SPRY3: variants seen among roughly 807,000 people sequenced by gnomAD.
SPRY3 encodes the protein sprouty RTK signaling antagonist 3.
A neutral mutation model predicts 20.2 loss-of-function variants in SPRY3; 15 were observed. The ratio of observed to expected loss-of-function variants is 0.74; its 90% confidence interval spans 0.50 to 1.14. SPRY3 has a LOEUF of 1.14. Ranked by LOEUF, SPRY3 falls within the 50% of genes most tolerant of loss-of-function variation. The pLI is 0.00. For synonymous variants in SPRY3, 143 were observed against 136.5 expected (o/e 1.05, Z -0.33); for missense variants, 364 against 363.9 (o/e 1.00, Z 0.00).
intron 2 of SPRY3, among the ~76,000 whole-genome samples, chrX:155,659,101 T>TCTC (rs1557353304): frequency 3.0e-5 from 3 of 99,617 alleles, no homozygotes; most frequent in East Asian, 6.5e-4. Flanking sequence ...TCTTTTTTTC[T>TCTC]TTCTTCTTTC....
At chrX:155,633,376 TAA>T (rs1170609386) in intron 1 of SPRY3, among the ~76,000 whole-genome samples, 299 of 21,077 alleles carry the variant, frequency 0.014, 5 homozygotes, top group African/African-American at 0.045. Context: ...CCGTCTCTAC[TAA>T]AAAAAAAAAA....
intron 1 of SPRY3, among the ~76,000 whole-genome samples, chrX:155,653,274 A>T (rs2067982568): frequency 8.9e-6 from 1 of 111,744 alleles, no homozygotes; most frequent in African/African-American, 3.2e-5. Context: ...GGTTTTTAAA[A>T]TTTTGTTACT....
At chrX:155,738,401 T>G (rs1190903781) in intron 2 of SPRY3, among the ~76,000 whole-genome samples, 2 of 151,972 alleles carry the variant, frequency 1.3e-5, no homozygotes, top group African/African-American at 2.4e-5. Flanking sequence ...TGAACAGACA[T>G]TGAACTAAAG....
At chrX:155,652,603 A>G (rs184811563) in intron 1 of SPRY3, among the ~76,000 whole-genome samples, 2 of 112,236 alleles carry the variant, frequency 1.8e-5, no homozygotes, top group Admixed American at 1.9e-4. Flanking sequence ...TATATATACC[A>G]CATTTCATTT....
chrX:155,711,635 G>C (rs766460698), intron 2 of SPRY3, among the ~76,000 whole-genome samples: 1 of 147,274 alleles, frequency 6.8e-6, no homozygotes, highest in South Asian at 2.2e-4. Flanking sequence ...GTATTGTTTT[G>C]TTCATTTCAG....
chrX:155,767,727 G>GGAGTAGGAGGAGAGA (rs1569400006), intron 2 of SPRY3: 1 of 68,496 alleles, frequency 1.5e-5, no homozygotes, highest in Non-Finnish European at 3.5e-5. Flanking sequence ...AGAAAGAGGA[G>GGAGTAGGAGGAGAGA]GAGGAGGAGA....
intron 1 of SPRY3, among the ~76,000 whole-genome samples, chrX:155,648,707 T>C (rs146237077): frequency 0.014 from 1,608 of 111,758 alleles, 17 homozygotes; most frequent in Non-Finnish European, 0.024. Context: ...TGTAGCCTTC[T>C]AGTATAGTTT....
intron 1 of SPRY3, among the ~76,000 whole-genome samples, chrX:155,620,243 C>T (rs1230282161): frequency 3.6e-5 from 4 of 111,195 alleles, no homozygotes; most frequent in African/African-American, 1.3e-4. Context: ...TTATAAGATT[C>T]TTAGTTAAAC....
intron 1 of SPRY3, among the ~76,000 whole-genome samples, chrX:155,621,765 C>G (rs1204791304): frequency 9.0e-6 from 1 of 111,683 alleles, no homozygotes; most frequent in African/African-American, 3.3e-5. Context: ...TCTAGTATGA[C>G]TGACTTCCTG....
At chrX:155,751,855 T>G (rs963899201) in intron 2 of SPRY3, among the ~76,000 whole-genome samples, 2 of 150,400 alleles carry the variant, frequency 1.3e-5, no homozygotes, top group Non-Finnish European at 3.0e-5. Flanking sequence ...GTAAGAGACA[T>G]ATAGATATTT....
chrX:155,732,826 C>T (rs751015875), intron 2 of SPRY3, among the ~76,000 whole-genome samples: 10 of 152,012 alleles, frequency 6.6e-5, no homozygotes, highest in South Asian at 6.2e-4. Context: ...TTATAAAATA[C>T]GAGATCCTGT....
intron 1 of SPRY3, among the ~76,000 whole-genome samples, chrX:155,636,564 G>GGTATGTATGTAT (rs200537763): frequency 9.5e-6 from 1 of 104,760 alleles, no homozygotes; most frequent in Non-Finnish European, 2.0e-5. Context: ...TATGTAGGTA[G>GGTATGTATGTAT]GTATGTATGT....
Position 155,690,851 on chromosome X carries a change from C to A in SPRY3, c.-282+33826C>A, listed in dbSNP as rs190614591. Among the ~76,000 whole-genome samples the A allele has an allele frequency of 3.4e-5, 3 of 87,038 alleles. 1 individual carries two copies. Among genetic ancestry groups the A allele is most frequent in the African/African-American group, 1.7e-4 (3 of 18,157 alleles). The allele number at this position is 87,038 out of a possible 115,157, so 75.6% of individuals were successfully genotyped here. On this transcript the variant is annotated intron_variant, in intron 2 of 3. Coordinates refer to ENST00000675360, the Ensembl canonical transcript of SPRY3. ...TGAATCAATTGGACCTGAAAAAGTT[C>A]TTTTTCTATTCTGGATGAACTTATA...
intron 2 of SPRY3, among the ~76,000 whole-genome samples, chrX:155,700,772 C>T (rs2068135303): frequency 1.9e-5 from 1 of 53,218 alleles, no homozygotes; most frequent in East Asian, 6.0e-4. Flanking sequence ...CTCCCCTGAC[C>T]CCACCACAGT....
At chrX:155,624,926 T>C (rs2067883460) in intron 1 of SPRY3, among the ~76,000 whole-genome samples, 1 of 111,512 alleles carries the variant, frequency 9.0e-6, no homozygotes, top group African/African-American at 3.2e-5. Flanking sequence ...AAAGTTACAT[T>C]CTAGTACAAA....
chrX:155,720,517 G>A (rs1334626398), intron 2 of SPRY3, among the ~76,000 whole-genome samples: 2 of 152,190 alleles, frequency 1.3e-5, no homozygotes, highest in Admixed American at 1.3e-4. Context: ...ACTGGCTTCA[G>A]GTCTGACCCA....
chrX:155,764,163 A>G (rs28595824), intron 2 of SPRY3, among the ~76,000 whole-genome samples: 227 of 152,318 alleles, frequency 1.5e-3, no homozygotes, highest in African/African-American at 5.2e-3. Flanking sequence ...AAAAAGAGAA[A>G]GAAGGCATTG....
intron 2 of SPRY3, among the ~76,000 whole-genome samples, chrX:155,681,817 C>T (rs2068074906): frequency 8.9e-6 from 1 of 112,189 alleles, no homozygotes; most frequent in African/African-American, 3.2e-5. Context: ...GGCAAGAAAG[C>T]TGCAGAAGAA....
intron 2 of SPRY3, among the ~76,000 whole-genome samples, chrX:155,766,558 T>G (rs2091331622): frequency 6.6e-6 from 1 of 152,194 alleles, no homozygotes; most frequent in Admixed American, 6.5e-5. Context: ...CTCCTGCCAC[T>G]TGTCCATTGA....
Sources: gnomAD v4.1 joint callset for allele counts (sites outside exome capture counted in the v4.1 genomes callset) on GRCh38, gnomAD v4.1.1 for gene constraint, MANE v1.5 for transcripts, NCBI Gene and HGNC (gene_info 2026-07-23, HGNC 2026-07-21) for gene names.